CD44: variants seen among roughly 807,000 people sequenced by gnomAD.
The protein encoded by CD44 is CD44 antigen.
Under a neutral mutation model 88.8 loss-of-function variants are expected in CD44, and 49 were observed. The observed-to-expected ratio is 0.55, with a 90% CI of 0.44 to 0.70. The LOEUF is 0.70. Among genes scored for constraint, CD44 ranks in the 30% least tolerant of loss-of-function variants. The pLI, the probability that CD44 is intolerant of heterozygous loss-of-function variation, is 0.00. For missense variants in CD44, 883 were observed against 913.8 expected (o/e 0.97, Z 0.43); for synonymous variants, 325 against 312.3 (o/e 1.04, Z -0.43).
chr11:35,223,952 T>C (rs2134399974), intron 17 of CD44, among the ~76,000 whole-genome samples: 1 of 152,306 alleles, frequency 6.6e-6, no homozygotes, highest in East Asian at 1.9e-4. Context: ...GTGGCTCCTG[T>C]GACTACCAGC....
intron 1 of CD44, among the ~76,000 whole-genome samples, chr11:35,140,741 C>A (rs527342884): frequency 6.6e-6 from 1 of 152,118 alleles, no homozygotes; most frequent in Non-Finnish European, 1.5e-5. Flanking sequence ...AACAACACAG[C>A]CTGTCATGGT....
intron 10 of CD44, 148 bp from the exon 11 acceptor site, chr11:35,205,964 G>A (rs950718677): frequency 4.0e-5 from 52 of 1,285,866 alleles, no homozygotes; most frequent in South Asian, 8.0e-5. Context: ...AACATTCTGC[G>A]TTTATGCAAC....
chr11:35,169,313 G>A (rs1466032124), intron 1 of CD44, among the ~76,000 whole-genome samples: 2 of 151,964 alleles, frequency 1.3e-5, no homozygotes, highest in Non-Finnish European at 2.9e-5. Context: ...GGAATTTCTG[G>A]TTACTAGAGA....
intron 1 of CD44, among the ~76,000 whole-genome samples, chr11:35,170,514 A>C (rs1475511282): frequency 6.6e-6 from 1 of 152,188 alleles, no homozygotes. Flanking sequence ...TACCACGGGA[A>C]GTCTCCTCTC....
chr11:35,168,475 G>C (rs1943542196), intron 1 of CD44, among the ~76,000 whole-genome samples: 1 of 152,204 alleles, frequency 6.6e-6, no homozygotes, highest in African/African-American at 2.4e-5. Flanking sequence ...TGAATACCTT[G>C]AACCCAGACT....
At chr11:35,205,163 T>A (rs1947710575) in intron 10 of CD44, among the ~76,000 whole-genome samples, 1 of 152,212 alleles carries the variant, frequency 6.6e-6, no homozygotes, top group South Asian at 2.1e-4. Context: ...ATAAAAAAGG[T>A]ATCTTCTCTA....
intron 1 of CD44, among the ~76,000 whole-genome samples, chr11:35,156,852 T>G (rs180706105): frequency 3.3e-5 from 5 of 152,352 alleles, no homozygotes; most frequent in African/African-American, 4.8e-5. Flanking sequence ...GGCAACATAG[T>G]GAGACCCTGT....
chr11:35,207,404 C>A (rs1013713769), intron 11 of CD44, among the ~76,000 whole-genome samples: 1 of 152,176 alleles, frequency 6.6e-6, no homozygotes, highest in Non-Finnish European at 1.5e-5. Flanking sequence ...CTGTTTCACT[C>A]AAGACTTCTT....
intron 1 of CD44, among the ~76,000 whole-genome samples, chr11:35,164,825 A>C (rs1943080210): frequency 6.6e-6 from 1 of 152,210 alleles, no homozygotes; most frequent in Non-Finnish European, 1.5e-5. Context: ...GCATTTTTGC[A>C]CAATATATTT....
At chr11:35,143,134 G>A (rs1858338477) in intron 1 of CD44, among the ~76,000 whole-genome samples, 1 of 151,940 alleles carries the variant, frequency 6.6e-6, no homozygotes, top group Non-Finnish European at 1.5e-5. Context: ...TACCCAATTT[G>A]AGTTTAATAC....
chr11:35,168,797 G>C (rs980035745), intron 1 of CD44, among the ~76,000 whole-genome samples: 1 of 152,160 alleles, frequency 6.6e-6, no homozygotes, highest in Non-Finnish European at 1.5e-5. Context: ...GTTGTCTTTG[G>C]GTGGTCTTCA....
chr11:35,206,990 A>G (rs766590899), intron 11 of CD44, among the ~76,000 whole-genome samples: 14 of 152,260 alleles, frequency 9.2e-5, no homozygotes, highest in Non-Finnish European at 1.8e-4. Context: ...TGTCAAGGAC[A>G]ATACAATTGG....
At chr11:35,201,354 A>G (rs1204051711) in intron 8 of CD44, among the ~76,000 whole-genome samples, 159 bp downstream of exon 8, 2 of 152,220 alleles carry the variant, frequency 1.3e-5, no homozygotes, top group Non-Finnish European at 2.9e-5. Flanking sequence ...TTTAGGAGTC[A>G]TTTATCAATT....
chr11:35,167,898 C>T (rs1168504461), intron 1 of CD44, among the ~76,000 whole-genome samples: 1 of 152,214 alleles, frequency 6.6e-6, no homozygotes, highest in African/African-American at 2.4e-5. Context: ...GGCAGGAGGC[C>T]TGGGGGCTAC....
Position 35,209,983 on chromosome 11 carries a change from G to T in CD44, c.1535G>T (p.Ser512Ile), listed in dbSNP as rs1948244205. 1 of 1,576,750 alleles carries T rather than the reference G, an allele frequency of 6.3e-7. No homozygotes were observed. ...SMTTQQSNSQSFSTSHEGLEE... is the reference protein window; with the variant it reads ...SMTTQQSNSQIFSTSHEGLEE... The stretch of plus-strand genomic sequence containing the variant: ...GAAACAGAGCAGAGTAATTCTCAGA[G>T]CTTCTCTACATCACATGAAGGCTTG... The change falls in exon 13 of 18, where the codon AGC becomes ATC. Residue 512 changes from serine (S) to isoleucine (I), a missense_variant. Ser to Ile is a moderately radical substitution (Grantham distance 142). Transcript: ENST00000428726.
chr11:35,145,592 G>A (rs1858977798), intron 1 of CD44, among the ~76,000 whole-genome samples: 1 of 151,996 alleles, frequency 6.6e-6, no homozygotes, highest in Non-Finnish European at 1.5e-5. Flanking sequence ...CCAGTGAGAT[G>A]AGGACACCAA....
At chr11:35,139,923 C>A (rs1367699736) in intron 1 of CD44, among the ~76,000 whole-genome samples, 1 of 152,236 alleles carries the variant, frequency 6.6e-6, no homozygotes, top group Admixed American at 6.5e-5. Context: ...TGTTCCAAAG[C>A]TTACAGTCCG....
chr11:35,180,287 G>A lies in CD44; in HGVS notation c.247G>A (p.Glu83Lys), dbSNP rs1177023689. The change falls in exon 3 of 18, where the codon GAA becomes AAA. Residue 83 changes from glutamate to lysine, a missense_variant. By Grantham distance (56) the Glu-to-Lys change is moderately conservative (BLOSUM62 1). This residue lies in a region of CD44 where 252 missense variants were observed against 322.9 expected (regional missense o/e 0.78). Transcript: ENST00000428726. ...GFETCRYGFI[E>K]GHVVIPRIHP... is the part of the protein sequence containing the mutation. ...TTTCTCTTACAGGTATGGGTTCATAGAAGGGCACGTGGTGATTCCCCGGAT... is the reference window on the plus strand; with the variant it reads ...TTTCTCTTACAGGTATGGGTTCATAAAAGGGCACGTGGTGATTCCCCGGAT... 1 of 1,614,100 alleles carries A rather than the reference G, an allele frequency of 6.2e-7. No homozygotes were observed. Among genetic ancestry groups the A allele is most frequent in the East Asian group, 2.2e-5 (1 of 44,872 alleles).
chr11:35,151,217 T>A (rs353621), intron 1 of CD44, among the ~76,000 whole-genome samples: 57,148 of 151,802 alleles, frequency 0.38, 11,142 homozygotes, highest in African/African-American at 0.48. Context: ...GGGAGGGGTC[T>A]GTCTGCTTGG....
Sources: allele counts gnomAD v4.1 joint callset (sites outside exome capture counted in the v4.1 genomes callset), GRCh38; gene constraint gnomAD v4.1.1; regional missense constraint gnomAD v4.1.1; transcripts MANE v1.5; gene names NCBI Gene and HGNC (gene_info 2026-07-23, HGNC 2026-07-21).